RTF2: variants seen among roughly 807,000 people sequenced by gnomAD.
RTF2 encodes replication termination factor 2, also known as UPF0549 protein C20orf43.
In RTF2, 18 loss-of-function variants were observed where a neutral mutation model predicts 38.0. That is an observed-to-expected ratio of 0.47 (90% CI 0.33 to 0.70). The LOEUF is 0.70. Among genes scored for constraint, RTF2 ranks in the 30% least tolerant of loss-of-function variants. RTF2 has a pLI of 0.02. For synonymous variants in RTF2, 126 were observed against 137.1 expected, an observed-to-expected ratio of 0.92 and a Z score of 0.57; for missense variants, 311 against 379.6, an observed-to-expected ratio of 0.82 and a Z score of 1.50.
rs549258255 is a variant in RTF2, at chr20:56,502,216, C to T, written c.478-11099C>T. 2.6e-3 allele frequency among the ~76,000 whole-genome samples: 390 copies of T among 152,250 alleles called. 6 individuals carry two copies. Among genetic ancestry groups the T allele is most frequent in the Non-Finnish European group, 1.1e-3 (73 of 68,024 alleles). On this transcript the variant is annotated intron_variant, in intron 5 of 8. Transcript: ENST00000357348. The stretch of plus-strand genomic sequence containing the variant: ...TTTCCCGTTTATGTAGTGCCAGAAT[C>T]TGCACAAGAACAGGAATGATTTCCA...
rs747998066 is a variant in RTF2 at position 56,491,817 on chromosome 20, T to C, written c.477+7628T>C. 9.4e-6 allele frequency: 14 copies of C among 1,482,430 alleles called. No homozygotes were observed. The South Asian group carries it at 1.7e-4, about 18-fold the overall frequency. The allele number at this position is 1,482,430 out of a possible 1,614,324, so 91.8% of individuals were successfully genotyped here. A position where few individuals can be genotyped will look rare whatever the true frequency, so the allele number is the denominator to read the frequency against. ...AGAAACACAAAAACCTAGCTGCCTT[T>C]GTTTCCTCACCCATTTTATTCACAC... On this transcript the variant is annotated intron_variant, in intron 5 of 8. Coordinates refer to ENST00000357348, the MANE Select transcript of RTF2 (RefSeq NM_016407.5).
At chr20:56,472,337 G>A in intron 1 of RTF2, 1 of 1,540,176 alleles carries the variant, frequency 6.5e-7, no homozygotes, top group Non-Finnish European at 8.8e-7. Context: ...TTTGGCATTT[G>A]AAGAATGGGA....
At chr20:56,484,773 T>C (rs1160151177) in intron 5 of RTF2, among the ~76,000 whole-genome samples, 1 of 152,240 alleles carries the variant, frequency 6.6e-6, no homozygotes, top group Non-Finnish European at 1.5e-5. Context: ...GATGCTTTGC[T>C]TTAATGGCGC....
intron 5 of RTF2, 106 bp from the exon 6 acceptor site, chr20:56,513,209 A>G: frequency 1.4e-6 from 2 of 1,436,012 alleles, no homozygotes; most frequent in Non-Finnish European, 1.9e-6. Flanking sequence ...ATAGGAATTT[A>G]CTCGGAGCCT....
chr20:56,470,846 T>G, intron 1 of RTF2: 2 of 352,372 alleles, frequency 5.7e-6, no homozygotes, highest in Non-Finnish European at 1.1e-5. Flanking sequence ...CCCAACTCCA[T>G]GAGGACAGCC....
intron 5 of RTF2, among the ~76,000 whole-genome samples, chr20:56,494,597 A>G (rs990230911): frequency 6.6e-6 from 1 of 152,186 alleles, no homozygotes; most frequent in Non-Finnish European, 1.5e-5. Flanking sequence ...TAATTGAATC[A>G]TATCTGCTTT....
At chr20:56,479,210 T>A (rs942354219) in intron 4 of RTF2, among the ~76,000 whole-genome samples, 10 of 152,076 alleles carry the variant, frequency 6.6e-5, no homozygotes, top group Admixed American at 3.3e-4. Flanking sequence ...AATCACAGAT[T>A]TTTTTTGTTT....
chr20:56,489,831 A>G (rs181700992), intron 5 of RTF2, among the ~76,000 whole-genome samples: 1 of 152,358 alleles, frequency 6.6e-6, no homozygotes, highest in East Asian at 1.9e-4. Context: ...ATTGAGTTAT[A>G]AAATACCGGG....
Position 56,491,652 on chromosome 20 carries a change from G to T in RTF2, c.477+7463G>T, listed in dbSNP as rs576000805. 1.4e-5 allele frequency: 21 copies of T among 1,551,970 alleles called. No homozygotes were observed. In the South Asian group the frequency reaches 2.3e-4, roughly 17 times the overall value. On this transcript the variant is annotated intron_variant, in intron 5 of 8. Transcript: ENST00000357348. ...GCCTGCCTCAGCACTTGAAGTCTGT[G>T]CCGCCGCTCTAAGCAGGTAACCACA...
At chr20:56,472,461 G>A in intron 1 of RTF2, 1 of 1,129,144 alleles carries the variant, frequency 8.9e-7, no homozygotes, top group Non-Finnish European at 1.3e-6. Flanking sequence ...CTTATGTCTG[G>A]ATTTTCATAC....
At chr20:56,509,561 C>T (rs778789223) in intron 5 of RTF2, among the ~76,000 whole-genome samples, 21 of 148,610 alleles carry the variant, frequency 1.4e-4, no homozygotes, top group Admixed American at 4.1e-4. Flanking sequence ...TGCAGTGAGC[C>T]GAGATCATGC....
intron 4 of RTF2, among the ~76,000 whole-genome samples, chr20:56,481,931 T>C (rs904935810): frequency 2.0e-5 from 3 of 152,206 alleles, no homozygotes; most frequent in Admixed American, 2.0e-4. Flanking sequence ...TTAAGAAAAC[T>C]AGCTCACCCC....
At chr20:56,470,622 A>G (rs773812710) in intron 1 of RTF2, 75 of 455,914 alleles carry the variant, frequency 1.6e-4, no homozygotes, top group Middle Eastern at 9.7e-4. Context: ...GGGCTCCTGG[A>G]TGGGGCCTGG....
chr20:56,514,642 T>C (rs1984904532), intron 6 of RTF2, among the ~76,000 whole-genome samples: 1 of 152,154 alleles, frequency 6.6e-6, no homozygotes, highest in African/African-American at 2.4e-5. Flanking sequence ...TGTGAGGCTT[T>C]AAAAAGCCGA....
chr20:56,508,375 A>G (rs536552577), intron 5 of RTF2, among the ~76,000 whole-genome samples: 2 of 152,212 alleles, frequency 1.3e-5, no homozygotes, highest in East Asian at 3.9e-4. Flanking sequence ...TATGTCTGTT[A>G]TTGCTCTGGG....
At chr20:56,505,579 G>T (rs1277201622) in intron 5 of RTF2, among the ~76,000 whole-genome samples, 1 of 151,732 alleles carries the variant, frequency 6.6e-6, no homozygotes, top group African/African-American at 2.4e-5. Context: ...CATTCCTGGG[G>T]GTCGAGGGTT....
At chr20:56,515,825 T>C (rs1427258635) in intron 6 of RTF2, 1 of 152,244 alleles carries the variant, frequency 6.6e-6, no homozygotes, top group African/African-American at 2.4e-5. Flanking sequence ...AACATGCTCC[T>C]CTCTGCAAAA....
intron 4 of RTF2, among the ~76,000 whole-genome samples, chr20:56,477,682 C>A (rs1020960213): frequency 2.0e-5 from 3 of 151,862 alleles, no homozygotes; most frequent in African/African-American, 7.3e-5. Flanking sequence ...CACGCCCGGC[C>A]ACTAATTTTT....
At chr20:56,475,942 C>T (rs762891941) in intron 3 of RTF2, among the ~76,000 whole-genome samples, 23 of 152,198 alleles carry the variant, frequency 1.5e-4, no homozygotes, top group Non-Finnish European at 3.2e-4. Context: ...CACAAATACT[C>T]GGAGCAGAGA....
Sources: gnomAD v4.1 joint callset for allele counts (sites outside exome capture counted in the v4.1 genomes callset) on GRCh38, gnomAD v4.1.1 for gene constraint, MANE v1.5 for transcripts, NCBI Gene and HGNC (gene_info 2026-07-23, HGNC 2026-07-21) for gene names.